GAREM1: variants seen among roughly 807,000 people sequenced by gnomAD.
GAREM1 encodes the protein GRB2 associated regulator of MAPK1 subtype 1.
In GAREM1, 26 loss-of-function variants were observed where a neutral mutation model predicts 71.3. The observed-to-expected ratio is 0.36, with a 90% confidence interval of 0.27 to 0.51. GAREM1 has a LOEUF of 0.51. Among genes scored for constraint, GAREM1 ranks in the 20% least tolerant of loss-of-function variants. GAREM1 has a pLI of 0.95. For missense variants in GAREM1, 1,026 were observed against 1,103.1 expected (o/e 0.93, Z 0.99); for synonymous variants, 440 against 433.2 (o/e 1.02, Z -0.20).
intron 2 of GAREM1, among the ~76,000 whole-genome samples, chr18:32,388,530 A>G (rs1193936834): frequency 6.6e-6 from 1 of 152,188 alleles, no homozygotes; most frequent in African/African-American, 2.4e-5. Context: ...GAGAAACTGG[A>G]CAATACGTTA....
At chr18:32,430,349 C>T (rs2048611817) in intron 1 of GAREM1, among the ~76,000 whole-genome samples, 1 of 152,190 alleles carries the variant, frequency 6.6e-6, no homozygotes, top group Admixed American at 6.5e-5. Context: ...TTTCTGACTT[C>T]ATGCTGTAAT....
At chr18:32,346,940 G>A (rs1017035465) in intron 2 of GAREM1, among the ~76,000 whole-genome samples, 5 of 151,952 alleles carry the variant, frequency 3.3e-5, no homozygotes, top group Non-Finnish European at 4.4e-5. Flanking sequence ...ACGCTGTGTC[G>A]GCACCAACTC....
At chr18:32,318,126 A>C (rs1455222429) in intron 2 of GAREM1, among the ~76,000 whole-genome samples, 1 of 152,228 alleles carries the variant, frequency 6.6e-6, no homozygotes, top group Non-Finnish European at 1.5e-5. Flanking sequence ...GGCCCCTGAA[A>C]GTTCCAGGAA....
intron 2 of GAREM1, among the ~76,000 whole-genome samples, chr18:32,374,936 C>T (rs2048018462): frequency 2.6e-5 from 4 of 151,946 alleles, no homozygotes; most frequent in Admixed American, 2.6e-4. Context: ...AAGAAAAGGC[C>T]CTTTCAACAG....
intron 2 of GAREM1, among the ~76,000 whole-genome samples, chr18:32,374,641 C>T (rs1044335486): frequency 6.6e-5 from 10 of 152,064 alleles, no homozygotes; most frequent in Admixed American, 4.6e-4. Context: ...AATGAAAATG[C>T]CTGAGTGATT....
intron 4 of GAREM1, among the ~76,000 whole-genome samples, chr18:32,282,753 G>A (rs925159012): frequency 1.3e-5 from 2 of 152,132 alleles, no homozygotes; most frequent in Admixed American, 6.6e-5. Context: ...TTGCATAGAC[G>A]AGAACAGACT....
At chr18:32,411,366 C>A (rs1008390776) in intron 1 of GAREM1, among the ~76,000 whole-genome samples, 2 of 152,184 alleles carry the variant, frequency 1.3e-5, no homozygotes, top group Non-Finnish European at 2.9e-5. Flanking sequence ...TCAAATCTGA[C>A]ATAGCTTCCT....
At chr18:32,407,717 C>T (rs1190245579) in intron 1 of GAREM1, among the ~76,000 whole-genome samples, 4 of 152,054 alleles carry the variant, frequency 2.6e-5, no homozygotes, top group Non-Finnish European at 5.9e-5. Context: ...CAGCAACCAT[C>T]TGAGACCCTG....
At chr18:32,423,667 A>T (rs1323821034) in intron 1 of GAREM1, among the ~76,000 whole-genome samples, 2 of 152,202 alleles carry the variant, frequency 1.3e-5, no homozygotes, top group South Asian at 2.1e-4. Flanking sequence ...CCAACAGACT[A>T]CAGGTCTCAT....
At chr18:32,453,154 T>C (rs2048856483) in intron 1 of GAREM1, among the ~76,000 whole-genome samples, 1 of 151,928 alleles carries the variant, frequency 6.6e-6, no homozygotes, top group Non-Finnish European at 1.5e-5. Flanking sequence ...AATGACAGAA[T>C]GAGAACCAAG....
intron 1 of GAREM1, among the ~76,000 whole-genome samples, chr18:32,416,435 C>T (rs1223661463): frequency 6.6e-6 from 1 of 151,982 alleles, no homozygotes; most frequent in Non-Finnish European, 1.5e-5. Flanking sequence ...AAAGAACAAA[C>T]TGGAGGCATC....
At chr18:32,413,068 A>T (rs940705582) in intron 1 of GAREM1, 78 of 1,552,696 alleles carry the variant, frequency 5.0e-5, no homozygotes, top group Non-Finnish European at 6.8e-5. Context: ...AGCGTTCCCC[A>T]TTGCTCAAAA....
chr18:32,466,572 T>C (rs969403158), intron 1 of GAREM1, among the ~76,000 whole-genome samples: 5 of 152,284 alleles, frequency 3.3e-5, no homozygotes, highest in African/African-American at 9.6e-5. Context: ...AAAAAGGTTG[T>C]AAGAATGCTA....
Position 32,470,407 on chromosome 18 carries a change from C to T in GAREM1, c.22G>A (p.Gly8Ser). The part of the protein sequence containing the change: MDPAPSL[G>S]CSLKDVKWSS... ...CACTTCACATCCTTGAGGCTGCAGC[C>T]CAGCGAGGGCGCCGGGTCCATCTTC... The change falls in exon 1 of 6, where the codon GGC (glycine) becomes AGC (serine). Residue 8 changes from glycine to serine, a missense_variant. Transcript: ENST00000269209. The surrounding 1 kb of genome is among the most constrained non-coding windows in gnomAD (Gnocchi z 4.4). 1 of 1,528,636 alleles carries T rather than the reference C, an allele frequency of 6.5e-7. No homozygotes were observed. Among genetic ancestry groups the T allele is most frequent in the Non-Finnish European group, 8.8e-7 (1 of 1,135,790 alleles). 94.7% of individuals were successfully genotyped at this position (1,528,636 alleles called of 1,614,324 possible). A position where few individuals can be genotyped will look rare whatever the true frequency, so the allele number is the denominator to read the frequency against.
chr18:32,303,877 T>C (rs470958), intron 3 of GAREM1, among the ~76,000 whole-genome samples: 60,236 of 150,884 alleles, frequency 0.4, 14,104 homozygotes, highest in African/African-American at 0.66. Context: ...GCTATGATAG[T>C]GCCACTGCAC....
At chr18:32,363,212 CA>C (rs543796545) in intron 2 of GAREM1, among the ~76,000 whole-genome samples, 15,625 of 128,536 alleles carry the variant, frequency 0.12, 1,375 homozygotes, top group African/African-American at 0.27. Context: ...TGTCTCAAGG[CA>C]AAAAAAAAAA....
intron 2 of GAREM1, among the ~76,000 whole-genome samples, chr18:32,322,381 C>G (rs2047437123): frequency 6.6e-6 from 1 of 152,180 alleles, no homozygotes; most frequent in East Asian, 1.9e-4. Flanking sequence ...GATCCATCCA[C>G]AGCGGACTAT....
intron 4 of GAREM1, among the ~76,000 whole-genome samples, chr18:32,278,640 C>T (rs1321659096): frequency 6.6e-6 from 1 of 152,178 alleles, no homozygotes; most frequent in African/African-American, 2.4e-5. Flanking sequence ...TTTTACATTT[C>T]TTCCCACACT....
At chr18:32,323,849 T>C (rs1255526918) in intron 2 of GAREM1, among the ~76,000 whole-genome samples, 1 of 152,030 alleles carries the variant, frequency 6.6e-6, no homozygotes, top group Admixed American at 6.5e-5. Context: ...TAAACTTTAA[T>C]TTTTACTCAC....
Sources: gnomAD v4.1 joint callset for allele counts (sites outside exome capture counted in the v4.1 genomes callset) on GRCh38, gnomAD v4.1.1 for gene constraint, Gnocchi (gnomAD v3.1) non-coding constraint, MANE v1.5 for transcripts, NCBI Gene and HGNC (gene_info 2026-07-23, HGNC 2026-07-21) for gene names.